The following TLR8 variants were observed in gnomAD, a reference collection of about 807,000 sequenced individuals.
The protein encoded by TLR8 is toll-like receptor 8.
TLR8 carries 5 observed loss-of-function variants against 18.5 expected under a neutral mutation model. That is an observed-to-expected ratio of 0.27 (90% CI 0.14 to 0.57). TLR8 has a LOEUF of 0.57. Ranked by LOEUF, TLR8 falls within the 20% of genes least tolerant of loss-of-function variation. The pLI is 0.92. For missense variants in TLR8, 543 were observed against 769.8 expected (o/e 0.71, Z 3.49); for synonymous variants, 299 against 300.1 (o/e 1.00, Z 0.04).
At chrX:12,915,558 T>C (rs758865611) in intron 1 of TLR8, among the ~76,000 whole-genome samples, 1 of 112,682 alleles carries the variant, frequency 8.9e-6, no homozygotes, top group African/African-American at 3.2e-5. Context: ...CCACAGAACA[T>C]AGTGACATGG....
rs1445941378 is a variant in TLR8, at chrX:12,922,202, A to T, written c.*36A>T. 1 of 1,150,812 alleles carries T rather than the reference A, an allele frequency of 8.7e-7. No individual in the cohort carries two copies. The highest frequency in any genetic ancestry group is 2.6e-5 in the Admixed American group (1 of 38,149). 94.8% of individuals were successfully genotyped at this position (1,150,812 alleles called of 1,213,427 possible). ...GTCATGATTTCGCGCCATAATAAAG[A>T]TGCAAAGGAATGACATTTCTGTATT... On this transcript the variant is annotated 3_prime_UTR_variant, in exon 2 of 2. Transcript: ENST00000218032.
chrX:12,915,948 C>A (rs868326396), intron 1 of TLR8, among the ~76,000 whole-genome samples: 1 of 109,747 alleles, frequency 9.1e-6, no homozygotes, highest in Non-Finnish European at 1.9e-5. Context: ...ATGGTGTGAT[C>A]CTGGCTCACC....
At chrX:12,907,493 C>T (rs1398393056) in intron 1 of TLR8, among the ~76,000 whole-genome samples, 5 of 111,801 alleles carry the variant, frequency 4.5e-5, no homozygotes, top group Non-Finnish European at 9.4e-5. Context: ...TATATTTTTC[C>T]CCAAAGTCCT....
At position 12,920,081 on chromosome X, in the gene TLR8, C is replaced by T; in HGVS notation, c.1041C>T (p.Asn347=). 2 of 1,209,866 alleles carry T rather than the reference C, an allele frequency of 1.7e-6. No homozygotes were observed. The highest frequency in any genetic ancestry group is 3.5e-5 in the African/African-American group (2 of 57,612). The change falls in exon 2 of 2, where the codon AAC becomes AAT. Residue 347 remains asparagine, a synonymous_variant. Transcript: ENST00000218032. ...PRLEILDLSF[N]YIKGSYPQHI... The stretch of plus-strand genomic sequence containing the variant: ...TAGAAATACTTGACTTGTCTTTTAA[C>T]TATATAAAGGGGAGTTATCCACAGC...
chrX:12,918,871 T>A (rs193049306), intron 1 of TLR8, among the ~76,000 whole-genome samples, 173 bp from the exon 2 acceptor site: 1 of 111,996 alleles, frequency 8.9e-6, no homozygotes, highest in East Asian at 2.8e-4. Flanking sequence ...AAGCTGAACA[T>A]AGTAAAAAAG....
chrX:12,911,087 A>C (rs1285851029), intron 1 of TLR8, among the ~76,000 whole-genome samples: 2 of 111,125 alleles, frequency 1.8e-5, no homozygotes, highest in Non-Finnish European at 3.8e-5. Flanking sequence ...CATTGCAGCA[A>C]GCTCAAGGGC....
At chrX:12,916,133 G>A (rs964955263) in intron 1 of TLR8, among the ~76,000 whole-genome samples, 3 of 111,474 alleles carry the variant, frequency 2.7e-5, no homozygotes, top group Admixed American at 9.5e-5. Context: ...GGCCCGCCTC[G>A]GCCTAGGTTC....
In TLR8 at chrX:12,920,203, A is replaced by G; in HGVS notation, c.1163A>G (p.Gln388Arg). Reference protein sequence around the residue: ...VFQELREDDFQPLMQLPNLST... With the variant: ...VFQELREDDFRPLMQLPNLST... ...CAGGAACTCAGAGAAGATGATTTCC[A>G]GCCCCTGATGCAGCTTCCAAACTTA... Residue 388 changes from glutamine to arginine, a missense_variant, in exon 2 of 2, where the codon CAG (glutamine) becomes CGG (arginine). By Grantham distance (43) the Gln-to-Arg change is conservative (BLOSUM62 1). Coordinates refer to ENST00000218032, the MANE Select transcript of TLR8 (RefSeq NM_138636.5). 2 of 1,210,469 alleles carry G rather than the reference A, an allele frequency of 1.7e-6. No homozygotes were observed. Among genetic ancestry groups the G allele is most frequent in the Non-Finnish European group, 2.2e-6 (2 of 894,607 alleles).
At position 12,921,916 on chromosome X, in the gene TLR8, C is replaced by T; in HGVS notation, c.2876C>T (p.Ala959Val). The change falls in exon 2 of 2, where the codon GCT becomes GTT. Residue 959 changes from alanine to valine, a missense_variant. Coordinates refer to ENST00000218032, the MANE Select transcript of TLR8 (RefSeq NM_138636.5). ...KYAKSWNFKT[A>V]FYLALQRLMD... is the part of the protein sequence containing the mutation. ...GCAAAAAGCTGGAACTTTAAAACAG[C>T]TTTTTACTTGGCTTTGCAGAGGCTA... The T allele has an allele frequency of 1.7e-6, 2 of 1,210,948 alleles. No homozygotes were observed. The highest frequency in any genetic ancestry group is 2.2e-6 in the Non-Finnish European group (2 of 895,328).
rs1035870242 is a variant in TLR8 at position 12,919,338 on chromosome X, G to A, written c.298G>A (p.Val100Ile). The change falls in exon 2 of 2, where the codon GTA (valine) becomes ATA (isoleucine). Residue 100 changes from valine to isoleucine, a missense_variant. This residue lies in a region of TLR8 where 117 missense variants were observed against 111.0 expected (regional missense o/e 1.05). Transcript: ENST00000218032. Reference sequence around the variant, plus strand: ...AATAAATCTAAACCACAACCCCAATGTACAGCACCAGAACGGAAATCCCGG... The same window carrying A: ...AATAAATCTAAACCACAACCCCAATATACAGCACCAGAACGGAAATCCCGG... Reference protein sequence around the residue: ...TKINLNHNPNVQHQNGNPGIQ... With the variant: ...TKINLNHNPNIQHQNGNPGIQ... 15 of 1,211,304 alleles carry A rather than the reference G, an allele frequency of 1.2e-5. No individual in the cohort carries two copies. Among genetic ancestry groups the A allele is most frequent in the Non-Finnish European group, 1.7e-5 (15 of 895,273 alleles).
chrX:12,910,525 GTCT>G, intron 1 of TLR8: 1 of 1,023,878 alleles, frequency 9.8e-7, no homozygotes, highest in South Asian at 2.2e-5. Context: ...ATTTATTTTA[GTCT>G]CACATGGCAG....
intron 1 of TLR8, among the ~76,000 whole-genome samples, chrX:12,912,168 G>A (rs1273270358): frequency 9.0e-6 from 1 of 111,186 alleles, no homozygotes; most frequent in Non-Finnish European, 1.9e-5. Context: ...TTGTAGAGTT[G>A]CTGTTTCTCT....
chrX:12,919,712 A>G lies in TLR8; in HGVS notation c.672A>G (p.Leu224=). 4.1e-6 allele frequency: 5 copies of G among 1,210,714 alleles called. No individual in the cohort carries two copies. Among genetic ancestry groups the G allele is most frequent in the Non-Finnish European group, 5.6e-6 (5 of 895,001 alleles). ...SHVPPKLPSS[L]RKLFLSNTQI... The stretch of plus-strand genomic sequence containing the variant: ...TGCCACCCAAACTGCCAAGCTCCCT[A>G]CGCAAACTTTTTCTGAGCAACACCC... Residue 224 remains leucine, a synonymous_variant, in exon 2 of 2, where the codon CTA becomes CTG. Transcript: ENST00000218032.
In TLR8 at chrX:12,921,914, A is replaced by G. The variant is rs147035006; in HGVS notation, c.2874A>G (p.Thr958=). The change falls in exon 2 of 2, where the codon ACA becomes ACG. Residue 958 remains threonine, a synonymous_variant. Transcript: ENST00000218032. The part of the protein sequence containing the change: ...KKYAKSWNFK[T]AFYLALQRLM... ...ATGCAAAAAGCTGGAACTTTAAAAC[A>G]GCTTTTTACTTGGCTTTGCAGAGGC... 8 of 1,209,796 alleles carry G rather than the reference A, an allele frequency of 6.6e-6. No individual in the cohort carries two copies. The African/African-American group carries it at 1.4e-4, about 21-fold the overall frequency.
chrX:12,920,402 A>T lies in TLR8; in HGVS notation c.1362A>T (p.Arg454=), dbSNP rs765157064. 1.4e-5 allele frequency: 17 copies of T among 1,208,316 alleles called. No individual in the cohort carries two copies. Among genetic ancestry groups the T allele is most frequent in the Non-Finnish European group, 1.8e-5 (16 of 894,452 alleles). The part of the protein sequence containing the change: ...SSSFQRHIRK[R]RSTDFEFDPH... ...CTTTTCAACGTCATATCCGGAAACG[A>T]CGCTCAACAGATTTTGAGTTTGACC... The change falls in exon 2 of 2, where the codon CGA becomes CGT. Residue 454 remains arginine, a synonymous_variant. Coordinates refer to ENST00000218032, the MANE Select transcript of TLR8 (RefSeq NM_138636.5).
intron 1 of TLR8, among the ~76,000 whole-genome samples, chrX:12,907,008 A>C (rs2042989341): frequency 8.9e-6 from 1 of 112,378 alleles, no homozygotes; most frequent in Admixed American, 9.4e-5. Flanking sequence ...TGAACTGGAA[A>C]TATTACTTAC....
chrX:12,915,358 A>T (rs1279261707), intron 1 of TLR8, among the ~76,000 whole-genome samples: 1 of 111,331 alleles, frequency 9.0e-6, no homozygotes, highest in Non-Finnish European at 1.9e-5. Context: ...TAGAGATGGG[A>T]TCTCGCCACA....
chrX:12,920,707 T>C lies in TLR8; in HGVS notation c.1667T>C (p.Leu556Ser). ...AGTGCTCTTACTGAATTGTCCGACTTGGAAGTTCTAGATCTCAGCTATAAT... is the reference window on the plus strand; with the variant it reads ...AGTGCTCTTACTGAATTGTCCGACTCGGAAGTTCTAGATCTCAGCTATAAT... ...NASALTELSDLEVLDLSYNSH... is the reference protein window; with the variant it reads ...NASALTELSDSEVLDLSYNSH... The change falls in exon 2 of 2, where the codon TTG becomes TCG. Residue 556 changes from leucine (L) to serine (S), a missense_variant. Coordinates refer to ENST00000218032, the MANE Select transcript of TLR8 (RefSeq NM_138636.5). 1 of 1,212,041 alleles carries C rather than the reference T, an allele frequency of 8.3e-7. No individual in the cohort carries two copies. The highest frequency in any genetic ancestry group is 1.1e-6 in the Non-Finnish European group (1 of 895,473).
rs1183908488 is a variant in TLR8, at chrX:12,919,259, T to C, written c.219T>C (p.Asn73=). The change falls in exon 2 of 2, where the codon AAT becomes AAC. Residue 73 remains asparagine (N), a synonymous_variant. Coordinates refer to ENST00000218032, the MANE Select transcript of TLR8 (RefSeq NM_138636.5). ...KYVTELDLSD[N]FITHITNESF... ...TGACAGAACTAGACCTGTCTGATAA[T>C]TTCATCACACACATAACGAATGAAT... The C allele has an allele frequency of 8.3e-7, 1 of 1,211,885 alleles. No individual in the cohort carries two copies. The highest frequency in any genetic ancestry group is 1.7e-5 in the African/African-American group (1 of 57,841).
Sources: allele counts gnomAD v4.1 joint callset (sites outside exome capture counted in the v4.1 genomes callset), GRCh38; gene constraint gnomAD v4.1.1; regional missense constraint gnomAD v4.1.1; transcripts MANE v1.5; gene names NCBI Gene and HGNC (gene_info 2026-07-23, HGNC 2026-07-21).